DIP2C: variants seen among roughly 807,000 people sequenced by gnomAD.
DIP2C encodes disco-interacting protein 2 homolog C.
Under a neutral mutation model 192.4 loss-of-function variants are expected in DIP2C, and 33 were observed. That is an observed-to-expected ratio of 0.17 (90% CI 0.13 to 0.23). DIP2C has a LOEUF of 0.23. Among genes scored for constraint, DIP2C ranks in the 10% least tolerant of loss-of-function variants. The pLI is 1.00. For synonymous variants in DIP2C, 979 were observed against 864.1 expected (o/e 1.13, Z -2.33); for missense variants, 1,537 against 2,110.1 (o/e 0.73, Z 5.32).
Position 567,671 on chromosome 10 carries a change from G to A in DIP2C, c.86-81141C>T, listed in dbSNP as rs189979935. Among the ~76,000 whole-genome samples, 304 of 152,198 alleles carry A rather than the reference G, an allele frequency of 2.0e-3. 1 individual carries two copies. The highest frequency in any genetic ancestry group is 0.01 in the Middle Eastern group (3 of 294). The stretch of plus-strand genomic sequence containing the variant: ...GGTTTTGTTTTTCTGTGACAGTCTC[G>A]CTGTTGTCCAGGCTGGAATGCAGTG... On this transcript the variant is annotated intron_variant, in intron 1 of 36. Transcript: ENST00000280886.
intron 4 of DIP2C, among the ~76,000 whole-genome samples, chr10:432,708 T>C (rs2133224267): frequency 6.6e-6 from 1 of 152,328 alleles, no homozygotes; most frequent in African/African-American, 2.4e-5. Flanking sequence ...TAGAATTTAA[T>C]TTGCTGTTCT....
chr10:582,012 G>A (rs988408127), intron 1 of DIP2C, among the ~76,000 whole-genome samples: 3 of 152,076 alleles, frequency 2.0e-5, no homozygotes, highest in South Asian at 2.1e-4. Flanking sequence ...GATCCCTCAC[G>A]CACAGTTTAC....
rs116247899 is a variant in DIP2C at position 360,640 on chromosome 10, G to T, written c.2794+1850C>A. On this transcript the variant is annotated intron_variant, in intron 22 of 36. Transcript: ENST00000280886. ...CAGCAGACTCTTCCTGCTATTCGGG[G>T]GCAATATTCCCAGGGACCTTTAAAG... Among the ~76,000 whole-genome samples, 648 of 152,092 alleles carry T rather than the reference G, an allele frequency of 4.3e-3. 5 individuals carry two copies. Among genetic ancestry groups the T allele is most frequent in the African/African-American group, 0.014 (596 of 41,546 alleles).
At position 577,224 on chromosome 10, in the gene DIP2C, CAAG is replaced by C. The variant is rs375632135; in HGVS notation, c.86-90697_86-90695del. On this transcript the variant is annotated intron_variant, in intron 1 of 36. Transcript: ENST00000280886. Reference sequence around the variant, plus strand: ...CCTGACATAGCACTGACACATGGTACAAGAAGAATGACCTCCAGTTAAGTCACT... The same window carrying C: ...CCTGACATAGCACTGACACATGGTACAAGAATGACCTCCAGTTAAGTCACT... 3.0e-3 allele frequency among the ~76,000 whole-genome samples: 452 copies of C among 152,262 alleles called. 5 individuals are homozygous for C. Among genetic ancestry groups the C allele is most frequent in the African/African-American group, 0.01 (430 of 41,542 alleles).
Position 422,800 on chromosome 10 carries a change from A to C in DIP2C, c.604+24T>G, listed in dbSNP as rs371909589. On this transcript the variant is annotated intron_variant, in intron 5 of 36. Coordinates refer to ENST00000280886, the MANE Select transcript of DIP2C (RefSeq NM_014974.3). Reference sequence around the variant, plus strand: ...AAAGGCGTTTACACAACAGGCACAGAAAGACACCGTGAAGCGTGCTCACCT... The same window carrying C: ...AAAGGCGTTTACACAACAGGCACAGCAAGACACCGTGAAGCGTGCTCACCT... 6.2e-6 allele frequency: 10 copies of C among 1,602,574 alleles called. No individual in the cohort carries two copies. In the African/African-American group the frequency reaches 1.2e-4, roughly 19 times the overall value.
intron 1 of DIP2C, among the ~76,000 whole-genome samples, chr10:637,957 TA>T: frequency 6.6e-6 from 1 of 152,166 alleles, no homozygotes; most frequent in Admixed American, 6.5e-5. Context: ...GCTCATCCAT[TA>T]AGACAAGCCA....
chr10:477,915 G>A (rs980581124), intron 2 of DIP2C, among the ~76,000 whole-genome samples: 1 of 105,814 alleles, frequency 9.5e-6, no homozygotes, highest in South Asian at 3.7e-4. Flanking sequence ...GGAAAGAAAA[G>A]ACAGGAAAAG....
intron 1 of DIP2C, among the ~76,000 whole-genome samples, chr10:528,976 C>A (rs1015286536): frequency 6.6e-6 from 1 of 152,218 alleles, no homozygotes; most frequent in South Asian, 2.1e-4. Flanking sequence ...GATGGGCAAG[C>A]TGAGCTGATC....
At chr10:661,142 C>T (rs1333079694) in intron 1 of DIP2C, among the ~76,000 whole-genome samples, 1 of 152,184 alleles carries the variant, frequency 6.6e-6, no homozygotes, top group East Asian at 1.9e-4. Context: ...AAGCACAAGG[C>T]CTGCTCCAGG....
At chr10:534,056 C>G (rs952002037) in intron 1 of DIP2C, among the ~76,000 whole-genome samples, 2 of 152,206 alleles carry the variant, frequency 1.3e-5, no homozygotes, top group African/African-American at 4.8e-5. Context: ...AGCCCACGCC[C>G]CCTTCTGCAG....
chr10:627,966 A>C (rs1353417194), intron 1 of DIP2C, among the ~76,000 whole-genome samples: 1 of 152,192 alleles, frequency 6.6e-6, no homozygotes, highest in Non-Finnish European at 1.5e-5. Flanking sequence ...TTGCTGTTTT[A>C]CCGGGGTACT....
intron 1 of DIP2C, among the ~76,000 whole-genome samples, chr10:536,627 T>C (rs1404659325): frequency 1.3e-5 from 2 of 152,216 alleles, no homozygotes; most frequent in Non-Finnish European, 2.9e-5. Context: ...GGACAGACAG[T>C]GAATGTGATT....
chr10:537,621 G>A (rs1198150174), intron 1 of DIP2C, among the ~76,000 whole-genome samples: 1 of 151,594 alleles, frequency 6.6e-6, no homozygotes, highest in Non-Finnish European at 1.5e-5. Context: ...TATCACCCAT[G>A]TTTCAGCCAG....
Position 277,413 on chromosome 10 carries a change from T to C in DIP2C, c.4583A>G (p.Asn1528Ser). 1 of 1,613,666 alleles carries C rather than the reference T, an allele frequency of 6.2e-7. No homozygotes were observed. Among genetic ancestry groups the C allele is most frequent in the Non-Finnish European group, 8.5e-7 (1 of 1,179,918 alleles). ...CATGCGCTGCTTCTCCCCACGGGAG[T>C]TGATGGGGATGACGCCGATGTCCAC... Reference protein sequence around the residue: ...VVVDIGVIPINSRGEKQRMHL... With the variant: ...VVVDIGVIPISSRGEKQRMHL... Residue 1528 changes from asparagine (N) to serine (S), a missense_variant, in exon 37 of 37, where the codon AAC becomes AGC. Coordinates refer to ENST00000280886, the MANE Select transcript of DIP2C (RefSeq NM_014974.3).
chr10:587,250 T>G (rs1851114824), intron 1 of DIP2C, among the ~76,000 whole-genome samples: 1 of 152,172 alleles, frequency 6.6e-6, no homozygotes. Context: ...GGGCAAACAG[T>G]GCAGGGTCTA....
chr10:626,396 G>A (rs1258693906), intron 1 of DIP2C, among the ~76,000 whole-genome samples: 2 of 147,894 alleles, frequency 1.4e-5, no homozygotes, highest in African/African-American at 5.3e-5. Flanking sequence ...AAGGCACCTG[G>A]AGAAGTGGTG....
chr10:327,625 C>A (rs3123234), intron 30 of DIP2C, among the ~76,000 whole-genome samples: 1 of 152,192 alleles, frequency 6.6e-6, no homozygotes, highest in African/African-American at 2.4e-5. Context: ...TTGAACTCCT[C>A]GGCTCAAGTG....
intron 1 of DIP2C, among the ~76,000 whole-genome samples, chr10:559,417 G>GT (rs1196880545): frequency 1.3e-5 from 2 of 152,036 alleles, no homozygotes; most frequent in Non-Finnish European, 2.9e-5. Flanking sequence ...GTCTTTTGTT[G>GT]TTTTTGTTGA....
chr10:600,745 A>C (rs1852015111), intron 1 of DIP2C, among the ~76,000 whole-genome samples: 1 of 152,194 alleles, frequency 6.6e-6, no homozygotes, highest in Admixed American at 6.5e-5. Flanking sequence ...TCATTCTCCA[A>C]ACTATTCAGT....
Sources: allele counts gnomAD v4.1 joint callset (sites outside exome capture counted in the v4.1 genomes callset), GRCh38; gene constraint gnomAD v4.1.1; transcripts MANE v1.5; gene names NCBI Gene and HGNC (gene_info 2026-07-23, HGNC 2026-07-21).